The following GXYLT2 variants were observed in gnomAD, a reference collection of about 807,000 sequenced individuals.
GXYLT2 encodes glucoside xylosyltransferase 2.
A neutral mutation model predicts 45.8 loss-of-function variants in GXYLT2; 53 were observed. That is an observed-to-expected ratio of 1.16 (90% confidence interval 0.93 to 1.46). The LOEUF (loss-of-function observed/expected upper bound fraction) is 1.46, where lower values mean the gene tolerates loss of function less well. Among genes scored for constraint, GXYLT2 ranks in the 40% most tolerant of loss-of-function variants. The pLI is 0.00. For synonymous variants in GXYLT2, 219 were observed against 214.2 expected, an observed-to-expected ratio of 1.02 and a Z score of -0.19; for missense variants, 551 against 544.4, an observed-to-expected ratio of 1.01 and a Z score of -0.12.
chr3:72,969,652 A>G (rs528184961), intron 6 of GXYLT2, among the ~76,000 whole-genome samples: 2 of 152,196 alleles, frequency 1.3e-5, no homozygotes, highest in African/African-American at 4.8e-5. Flanking sequence ...TGTATTATCT[A>G]TGGTTATGTT....
rs1352813623 is a variant in GXYLT2, at chr3:72,888,458, G to A, written c.225G>A (p.Pro75=). The A allele has an allele frequency of 2.4e-6, 3 of 1,228,678 alleles. No individual in the cohort carries two copies. Among genetic ancestry groups the A allele is most frequent in the Non-Finnish European group, 2.0e-6 (2 of 981,140 alleles). The allele number at this position is 1,228,678 out of a possible 1,614,324, so 76.1% of individuals were successfully genotyped here. A position where few individuals can be genotyped will look rare whatever the true frequency, so the allele number is the denominator to read the frequency against. The change falls in exon 1 of 7, where the codon CCG becomes CCA. Residue 75 remains proline, a synonymous_variant. Coordinates refer to ENST00000389617, the MANE Select transcript of GXYLT2 (RefSeq NM_001080393.2). The part of the protein sequence containing the change: ...PGVRRRRPPR[P]RPRAGRRGAA... ...TTCGGAGGCGCCGGCCCCCGCGTCCGCGCCCCCGAGCGGGCCGCCGGGGCG... is the reference window on the plus strand; with the variant it reads ...TTCGGAGGCGCCGGCCCCCGCGTCCACGCCCCCGAGCGGGCCGCCGGGGCG...
At chr3:72,909,062 C>CTTTTTTTTTTTTT (rs71126804) in intron 2 of GXYLT2, among the ~76,000 whole-genome samples, 4 of 91,120 alleles carry the variant, frequency 4.4e-5, no homozygotes, top group Admixed American at 1.3e-4. Flanking sequence ...TTCTTCCTTT[C>CTTTTTTTTTTTTT]TTTTTTTTTT....
intron 6 of GXYLT2, among the ~76,000 whole-genome samples, chr3:72,971,607 T>A (rs1710985987): frequency 6.6e-6 from 1 of 152,170 alleles, no homozygotes; most frequent in Non-Finnish European, 1.5e-5. Flanking sequence ...AAAATGATAG[T>A]CTTTATGCTT....
intron 2 of GXYLT2, among the ~76,000 whole-genome samples, chr3:72,909,421 A>G (rs1384283903): frequency 6.6e-6 from 1 of 152,004 alleles, no homozygotes; most frequent in Non-Finnish European, 1.5e-5. Context: ...ACATATAGAC[A>G]TGCATATGTA....
intron 5 of GXYLT2, among the ~76,000 whole-genome samples, chr3:72,963,507 GT>G (rs71126809): frequency 8.3e-5 from 12 of 143,716 alleles, no homozygotes; most frequent in South Asian, 2.2e-4. Context: ...GGAGTTTTTT[GT>G]TTTTTTTTTT....
intron 1 of GXYLT2, among the ~76,000 whole-genome samples, chr3:72,906,192 A>G (rs1709507310): frequency 6.6e-6 from 1 of 152,170 alleles, no homozygotes. Context: ...TGAAAACCCA[A>G]CCATGAAGCC....
At chr3:72,929,047 G>A in intron 3 of GXYLT2, 2 of 1,569,512 alleles carry the variant, frequency 1.3e-6, no homozygotes, top group South Asian at 1.1e-5. Flanking sequence ...CCGCCGTGAC[G>A]ACCGCGTCCA....
chr3:72,944,486 C>A (rs1710365685), intron 3 of GXYLT2, among the ~76,000 whole-genome samples: 1 of 151,870 alleles, frequency 6.6e-6, no homozygotes, highest in Non-Finnish European at 1.5e-5. Flanking sequence ...AACTCCTGAC[C>A]TCGAGTGATC....
chr3:72,969,177 C>T (rs1710936371), intron 6 of GXYLT2, among the ~76,000 whole-genome samples: 1 of 151,870 alleles, frequency 6.6e-6, no homozygotes, highest in Admixed American at 6.6e-5. Context: ...ACATGGCTGT[C>T]TGGAGCCCTT....
At chr3:72,970,691 C>T (rs966704921) in intron 6 of GXYLT2, among the ~76,000 whole-genome samples, 9 of 151,894 alleles carry the variant, frequency 5.9e-5, no homozygotes, top group African/African-American at 1.5e-4. Flanking sequence ...GAAATCCCCC[C>T]GTCTCTACTA....
At chr3:72,912,324 A>AT (rs1266044293) in intron 2 of GXYLT2, among the ~76,000 whole-genome samples, 2 of 151,676 alleles carry the variant, frequency 1.3e-5, no homozygotes, top group African/African-American at 2.4e-5. Context: ...CTAATATTTT[A>AT]TTTTTTGTAG....
intron 3 of GXYLT2, among the ~76,000 whole-genome samples, chr3:72,938,143 T>C (rs1710225711): frequency 3.9e-5 from 6 of 152,196 alleles, no homozygotes. Flanking sequence ...TTTGATCTTC[T>C]GCACCTACAG....
Position 72,888,500 on chromosome 3 carries a change from G to A in GXYLT2, c.267G>A (p.Lys89=). The A allele has an allele frequency of 1.6e-6, 2 of 1,242,474 alleles. No homozygotes were observed. The allele number at this position is 1,242,474 out of a possible 1,614,324, so 77.0% of individuals were successfully genotyped here. A position where few individuals can be genotyped will look rare whatever the true frequency, so the allele number is the denominator to read the frequency against. The change falls in exon 1 of 7, where the codon AAG becomes AAA. Residue 89 remains lysine (K), a synonymous_variant. Transcript: ENST00000389617. ...AGRRGAARLE[K]LARRPGEPRS... is the part of the protein sequence containing the mutation. ...GCCGGGGCGCTGCGAGACTGGAGAAGTTGGCGAGGTGAGTCGTGGCAACCC... is the reference window on the plus strand; with the variant it reads ...GCCGGGGCGCTGCGAGACTGGAGAAATTGGCGAGGTGAGTCGTGGCAACCC...
chr3:72,916,822 G>A (rs140966921), intron 2 of GXYLT2, among the ~76,000 whole-genome samples: 6 of 151,482 alleles, frequency 4.0e-5, no homozygotes, highest in East Asian at 1.9e-4. Context: ...TCGCCCAGCC[G>A]CAGTTGAGTT....
At chr3:72,936,094 A>G (rs377352538) in intron 3 of GXYLT2, among the ~76,000 whole-genome samples, 1 of 152,120 alleles carries the variant, frequency 6.6e-6, no homozygotes, top group African/African-American at 2.4e-5. Flanking sequence ...GATCAAGACC[A>G]TCCTAGCTAA....
chr3:72,972,172 G>C (rs1710998183), intron 6 of GXYLT2, among the ~76,000 whole-genome samples: 1 of 151,952 alleles, frequency 6.6e-6, no homozygotes, highest in African/African-American at 2.4e-5. Flanking sequence ...GTGTGTTTGT[G>C]TGTACGTGTT....
At chr3:72,894,233 G>A (rs964103400) in intron 1 of GXYLT2, among the ~76,000 whole-genome samples, 5 of 152,172 alleles carry the variant, frequency 3.3e-5, no homozygotes, top group Admixed American at 3.3e-4. Flanking sequence ...GGCATCCTGA[G>A]GTCTAACGTT....
In GXYLT2 at chr3:72,908,489, T is replaced by A. The variant is rs1227176341; in HGVS notation, c.398T>A (p.Leu133His). ...CTGGTCATGCTCAAATCAGCTGTGC[T>A]TTTTAGCCACAGGAAGATCCAATTC... ...ETLVMLKSAV[L>H]FSHRKIQFHI... is the part of the protein sequence containing the mutation. Residue 133 changes from leucine to histidine, a missense_variant, in exon 2 of 7, where the codon CTT becomes CAT. Leu to His is a moderately conservative substitution (Grantham distance 99). Transcript: ENST00000389617. 1 of 1,613,962 alleles carries A rather than the reference T, an allele frequency of 6.2e-7. No individual in the cohort carries two copies.
chr3:72,936,559 G>C (rs1710183886), intron 3 of GXYLT2, among the ~76,000 whole-genome samples: 1 of 152,122 alleles, frequency 6.6e-6, no homozygotes, highest in Non-Finnish European at 1.5e-5. Context: ...AGAATCACCT[G>C]AACCCAGGAG....
Sources: gnomAD v4.1 joint callset for allele counts (sites outside exome capture counted in the v4.1 genomes callset) on GRCh38, gnomAD v4.1.1 for gene constraint, MANE v1.5 for transcripts, NCBI Gene and HGNC (gene_info 2026-07-23, HGNC 2026-07-21) for gene names.